The following PHF21B variants were observed in gnomAD, a reference collection of about 807,000 sequenced individuals.
PHF21B encodes the protein PHD finger protein 21B.
A neutral mutation model predicts 62.2 loss-of-function variants in PHF21B; 22 were observed. The ratio of observed to expected loss-of-function variants is 0.35; its 90% CI spans 0.25 to 0.51. PHF21B has a LOEUF of 0.51. Among genes scored for constraint, PHF21B ranks in the 20% least tolerant of loss-of-function variants. The probability of loss-of-function intolerance (pLI) is 0.97; values close to 1 mark genes in which losing one functional copy is unlikely to be tolerated. For missense variants in PHF21B, 701 were observed against 707.9 expected (o/e 0.99, Z 0.11); for synonymous variants, 341 against 314.7 (o/e 1.08, Z -0.88).
chr22:44,884,835 C>T (rs2070826318), intron 12 of PHF21B, among the ~76,000 whole-genome samples: 1 of 152,114 alleles, frequency 6.6e-6, no homozygotes, highest in Non-Finnish European at 1.5e-5. Flanking sequence ...ATCACCACCA[C>T]CACCATTATC....
intron 2 of PHF21B, among the ~76,000 whole-genome samples, chr22:44,974,813 G>C (rs140721228): frequency 8.0e-4 from 122 of 152,344 alleles, no homozygotes; most frequent in African/African-American, 2.6e-3. Flanking sequence ...GGTATATGGA[G>C]ATATAGATGC....
intron 2 of PHF21B, among the ~76,000 whole-genome samples, chr22:44,995,313 T>C (rs1317116161): frequency 6.6e-6 from 1 of 152,004 alleles, no homozygotes; most frequent in Non-Finnish European, 1.5e-5. Flanking sequence ...TATAATTAGA[T>C]CCACAATATG....
chr22:44,961,649 T>C (rs911286132), intron 2 of PHF21B, among the ~76,000 whole-genome samples: 1 of 152,074 alleles, frequency 6.6e-6, no homozygotes, highest in African/African-American at 2.4e-5. Context: ...AAGACCAGCC[T>C]GGTCAACATG....
chr22:44,903,438 C>A (rs1000783539), intron 5 of PHF21B, among the ~76,000 whole-genome samples: 2 of 151,552 alleles, frequency 1.3e-5, no homozygotes, highest in Middle Eastern at 3.4e-3. Flanking sequence ...CCCAGTCTGC[C>A]GATGCTCTGC....
chr22:44,931,370 C>T (rs898094940), intron 2 of PHF21B, among the ~76,000 whole-genome samples: 1 of 152,180 alleles, frequency 6.6e-6, no homozygotes, highest in East Asian at 1.9e-4. Flanking sequence ...GGCTCGGTCT[C>T]GGTGACCCTG....
chr22:44,934,433 A>G lies in PHF21B; in HGVS notation c.121-13943T>C, dbSNP rs529166585. On this transcript the variant is annotated intron_variant, in intron 2 of 12. Transcript: ENST00000313237. ...AACAGAAGGGACTTCCACGAGCAGG[A>G]GTTTTTTTCAGGCCAAGAAGGGACA... Among the ~76,000 whole-genome samples the G allele has an allele frequency of 5.3e-5, 8 of 152,302 alleles. No individual in the cohort carries two copies. In the South Asian group the frequency reaches 1.0e-3, roughly 20 times the overall value.
In PHF21B at chr22:44,949,320, A is replaced by G. The variant is rs538353012; in HGVS notation, c.121-28830T>C. 3.4e-4 allele frequency among the ~76,000 whole-genome samples: 51 copies of G among 151,284 alleles called. No homozygotes were observed. The East Asian group carries it at 6.0e-3, about 18-fold the overall frequency. ...CCATCTCAAAAAAAAGAAAAAAAAA[A>G]AAAAAGAAAAAAGAGAGCTGAGGTA... On this transcript the variant is annotated intron_variant, in intron 2 of 12. Transcript: ENST00000313237.
chr22:44,937,817 A>T (rs1241656713), intron 2 of PHF21B, among the ~76,000 whole-genome samples: 1 of 152,246 alleles, frequency 6.6e-6, no homozygotes, highest in Non-Finnish European at 1.5e-5. Context: ...CGTGGAACGA[A>T]GGGAGCCCAC....
chr22:45,004,472 C>T (rs778601087), intron 2 of PHF21B, among the ~76,000 whole-genome samples: 8 of 152,228 alleles, frequency 5.3e-5, no homozygotes, highest in Non-Finnish European at 7.3e-5. Context: ...CTGTCCCATT[C>T]CCACGATCTT....
intron 2 of PHF21B, among the ~76,000 whole-genome samples, chr22:44,976,058 C>A (rs999706818): frequency 6.6e-6 from 1 of 152,172 alleles, no homozygotes; most frequent in Non-Finnish European, 1.5e-5. Context: ...GTAGTCCCAG[C>A]TACTCAGGAG....
intron 2 of PHF21B, among the ~76,000 whole-genome samples, chr22:44,976,692 A>AT (rs1308197311): frequency 6.6e-6 from 1 of 152,226 alleles, no homozygotes; most frequent in African/African-American, 2.4e-5. Flanking sequence ...TAAAGCACAG[A>AT]ATTTCACATT....
chr22:44,894,990 T>C (rs888324512), intron 6 of PHF21B, among the ~76,000 whole-genome samples: 1 of 152,242 alleles, frequency 6.6e-6, no homozygotes, highest in Non-Finnish European at 1.5e-5. Context: ...TCAAGACTGC[T>C]AGTGCCTCGG....
intron 2 of PHF21B, among the ~76,000 whole-genome samples, chr22:44,960,166 C>A (rs1293553324): frequency 1.3e-5 from 2 of 152,172 alleles, no homozygotes; most frequent in Non-Finnish European, 2.9e-5. Context: ...TCCCAGGAAA[C>A]CCCTGGACGC....
intron 2 of PHF21B, among the ~76,000 whole-genome samples, chr22:44,942,800 T>C (rs1369111221): frequency 6.6e-6 from 1 of 151,956 alleles, no homozygotes. Flanking sequence ...GGGACGGGGG[T>C]GCAGGAGTTG....
At chr22:44,938,099 G>A (rs2071885023) in intron 2 of PHF21B, among the ~76,000 whole-genome samples, 1 of 152,246 alleles carries the variant, frequency 6.6e-6, no homozygotes, top group Non-Finnish European at 1.5e-5. Context: ...TTTTGAGACA[G>A]AGTCTCGCTG....
chr22:44,966,755 G>A (rs2072534230), intron 2 of PHF21B, among the ~76,000 whole-genome samples: 1 of 152,198 alleles, frequency 6.6e-6, no homozygotes, highest in South Asian at 2.1e-4. Context: ...AATTGTGATG[G>A]GCGATGGCTT....
At chr22:44,903,941 G>A (rs2071204721) in intron 5 of PHF21B, among the ~76,000 whole-genome samples, 1 of 151,898 alleles carries the variant, frequency 6.6e-6, no homozygotes, top group Admixed American at 6.6e-5. Flanking sequence ...ATTTATTATG[G>A]TTACTGAGTT....
chr22:44,988,375 T>A (rs1038491659), intron 2 of PHF21B, among the ~76,000 whole-genome samples: 6 of 152,042 alleles, frequency 3.9e-5, no homozygotes, highest in African/African-American at 1.4e-4. Context: ...GGTGGGAGGA[T>A]TGCTTGAGCC....
intron 2 of PHF21B, among the ~76,000 whole-genome samples, chr22:44,995,745 G>A (rs2073109354): frequency 6.6e-6 from 1 of 151,994 alleles, no homozygotes; most frequent in South Asian, 2.1e-4. Context: ...GATGTTGAGT[G>A]GAGACAGAGA....
Sources: allele counts gnomAD v4.1 joint callset (sites outside exome capture counted in the v4.1 genomes callset), GRCh38; gene constraint gnomAD v4.1.1; transcripts MANE v1.5; gene names NCBI Gene and HGNC (gene_info 2026-07-23, HGNC 2026-07-21).